Variants in FAM118A observed in about 807,000 individuals in gnomAD.
FAM118A encodes protein FAM118A.
FAM118A carries 25 observed loss-of-function variants against 38.2 expected under a neutral mutation model. The ratio of observed to expected loss-of-function variants is 0.65; its 90% confidence interval spans 0.48 to 0.91. The LOEUF is 0.91. FAM118A is among the 40% of genes least tolerant of loss of function. The pLI is 0.00. For synonymous variants in FAM118A, 178 were observed against 184.1 expected (o/e 0.97, Z 0.27); for missense variants, 425 against 463.3 (o/e 0.92, Z 0.76).
intron 5 of FAM118A, 124 bp downstream of exon 5, chr22:45,330,855 A>G: frequency 1.8e-6 from 2 of 1,128,728 alleles, no homozygotes; most frequent in African/African-American, 1.6e-5. Context: ...TCGGCCCTGC[A>G]CACAGTTGCT....
At chr22:45,330,267 T>A (rs2146685407) in intron 4 of FAM118A, among the ~76,000 whole-genome samples, 1 of 152,370 alleles carries the variant, frequency 6.6e-6, no homozygotes, top group Middle Eastern at 3.4e-3. Context: ...CTCGAACTCC[T>A]GAGCTTCAAG....
At chr22:45,339,258 T>C (rs528312179) in intron 8 of FAM118A, among the ~76,000 whole-genome samples, 21 of 152,216 alleles carry the variant, frequency 1.4e-4, no homozygotes, top group Non-Finnish European at 2.4e-4. Context: ...TAACTGGGTG[T>C]GGTGGCGGGC....
rs568316137 is a variant in FAM118A at position 45,341,232 on chromosome 22, C to G, written c.*827C>G. 6.6e-6 allele frequency: 1 copy of G among 152,210 alleles called. No homozygotes were observed. The highest frequency in any genetic ancestry group is 6.5e-5 in the Admixed American group (1 of 15,280). The allele number at this position is 152,210 out of a possible 1,614,324, so 9.4% of individuals were successfully genotyped here. On this transcript the variant is annotated 3_prime_UTR_variant, in exon 9 of 9. Coordinates refer to ENST00000441876, the MANE Select transcript of FAM118A (RefSeq NM_017911.4). ...CTAGCGAAAATGTTTTTAGGGAGAA[C>G]AGCTGGATCAAAAGGGCTTCTTTGG... is the stretch of plus-strand genomic sequence containing the variant.
At chr22:45,323,509 T>G in intron 3 of FAM118A, 82 bp downstream of exon 3, 1 of 1,534,296 alleles carries the variant, frequency 6.5e-7, no homozygotes, top group Non-Finnish European at 8.8e-7. Context: ...TGTTAAACTC[T>G]GCAGGCCTAA....
chr22:45,328,665 A>G, intron 4 of FAM118A: 2 of 574,286 alleles, frequency 3.5e-6, no homozygotes, highest in Non-Finnish European at 6.2e-6. Context: ...AAAGTGGCAC[A>G]CTGGCAACTT....
chr22:45,335,209 A>G, intron 6 of FAM118A, 141 bp from the exon 7 acceptor site: 1 of 800,486 alleles, frequency 1.2e-6, no homozygotes, highest in Middle Eastern at 3.1e-4. Context: ...CGAGCAGCGC[A>G]GGAGTCCGCA....
intron 1 of FAM118A, among the ~76,000 whole-genome samples, chr22:45,316,532 G>T (rs1297996583): frequency 6.6e-6 from 1 of 152,178 alleles, no homozygotes; most frequent in African/African-American, 2.4e-5. Context: ...TGCTGGGAAG[G>T]GCTTGCTTGA....
intron 4 of FAM118A, 107 bp from the exon 5 acceptor site, chr22:45,330,496 C>T (rs2085629888): frequency 7.9e-7 from 1 of 1,262,992 alleles, no homozygotes; most frequent in Non-Finnish European, 1.0e-6. Flanking sequence ...CTCGATGATT[C>T]TTTCCAAGAT....
At chr22:45,331,633 C>T (rs1334691160) in intron 5 of FAM118A, among the ~76,000 whole-genome samples, 1 of 152,198 alleles carries the variant, frequency 6.6e-6, no homozygotes, top group Non-Finnish European at 1.5e-5. Context: ...TACCCTCAAG[C>T]ACACAGCTAG....
chr22:45,333,786 A>C (rs2085898085), intron 6 of FAM118A, among the ~76,000 whole-genome samples: 2 of 152,130 alleles, frequency 1.3e-5, no homozygotes, highest in Admixed American at 1.3e-4. Context: ...GACTGCAGTA[A>C]GCTGTGATCA....
chr22:45,316,176 A>G lies in FAM118A; in HGVS notation c.-10+5993A>G, dbSNP rs189710386. On this transcript the variant is annotated intron_variant, in intron 1 of 8. Coordinates refer to ENST00000441876, the MANE Select transcript of FAM118A (RefSeq NM_017911.4). ...TGTCTTAGCCTCCAGAGTAGCTGGG[A>G]TTACAGGTGCGCACCACCATACCTG... 4.9e-3 allele frequency among the ~76,000 whole-genome samples: 751 copies of G among 152,216 alleles called. 9 individuals carry two copies. Among genetic ancestry groups the G allele is most frequent in the Middle Eastern group, 0.041 (12 of 294 alleles).
chr22:45,327,716 G>A lies in FAM118A; in HGVS notation c.301-126G>A, dbSNP rs576305871. 867 of 926,248 alleles carry A rather than the reference G, an allele frequency of 9.4e-4. 9 individuals are homozygous for A. In the South Asian group the frequency reaches 0.012, roughly 13 times the overall value. The allele number at this position is 926,248 out of a possible 1,614,324, so 57.4% of individuals were successfully genotyped here. A position where few individuals can be genotyped will look rare whatever the true frequency, so the allele number is the denominator to read the frequency against. ...CCCCTGCTCTGGGGTTGCGGCGCAC[G>A]CTGTGAAGCCAGATTTTCTTTGTTT... On this transcript the variant is annotated intron_variant, in intron 3 of 8. Transcript: ENST00000441876.
chr22:45,336,197 C>T (rs994220827), intron 7 of FAM118A, 131 bp from the exon 8 acceptor site: 1 of 619,974 alleles, frequency 1.6e-6, no homozygotes, highest in South Asian at 2.1e-5. Flanking sequence ...GAAGCCGTAG[C>T]GTGGTTGATG....
intron 6 of FAM118A, among the ~76,000 whole-genome samples, chr22:45,334,704 T>C (rs1293436067): frequency 2.0e-5 from 3 of 152,188 alleles, no homozygotes; most frequent in Non-Finnish European, 2.9e-5. Flanking sequence ...GCCCAGACAT[T>C]TTGAAGCTGG....
At position 45,322,446 on chromosome 22, in the gene FAM118A, C is replaced by T. The variant is rs766491221; in HGVS notation, c.47+20C>T. 55 of 1,598,252 alleles carry T rather than the reference C, an allele frequency of 3.4e-5. No individual in the cohort carries two copies. Among genetic ancestry groups the T allele is most frequent in the Non-Finnish European group, 4.6e-5 (54 of 1,172,706 alleles). On this transcript the variant is annotated intron_variant, in intron 2 of 8. Transcript: ENST00000441876. ...ATCCAGGTAATTAAAGGCAACTATA[C>T]CTTCAAGCAGCTTCATTGACTTCAT...
At chr22:45,309,453 T>A (rs1311918543), upstream of FAM118A, 1 of 152,320 alleles carries the variant, frequency 6.6e-6, no homozygotes, top group Non-Finnish European at 1.5e-5. Flanking sequence ...CTGGCCAATT[T>A]AAGCGGGCAG....
intron 2 of FAM118A, among the ~76,000 whole-genome samples, 165 bp from the exon 3 acceptor site, chr22:45,323,010 A>C (rs528785290): frequency 5.1e-4 from 77 of 151,472 alleles, no homozygotes; most frequent in African/African-American, 1.8e-3. Flanking sequence ...AGAAGGATAC[A>C]CAGGCCGTCT....
chr22:45,330,615 G>A lies in FAM118A; in HGVS notation c.535G>A (p.Ala179Thr). 6.3e-7 allele frequency: 1 copy of A among 1,577,008 alleles called. No homozygotes were observed. The highest frequency in any genetic ancestry group is 1.9e-5 in the Admixed American group (1 of 51,346). The change falls in exon 5 of 9, where the codon GCA (alanine) becomes ACA (threonine). Residue 179 changes from alanine (A) to threonine (T), a missense_variant. By Grantham distance (58) the Ala-to-Thr change is moderately conservative. Coordinates refer to ENST00000441876, the MANE Select transcript of FAM118A (RefSeq NM_017911.4). ...TGATGTTTGGTAGGTCCTTGAATGG[G>A]CAAGAGGGCACATGAAGTACGGCGT... Reference protein sequence around the residue: ...LKDKTKVLEWARGHMKYGVLH... With the variant: ...LKDKTKVLEWTRGHMKYGVLH...
At chr22:45,313,319 GTTTTT>G (rs11322212) in intron 1 of FAM118A, among the ~76,000 whole-genome samples, 1 of 112,680 alleles carries the variant, frequency 8.9e-6, no homozygotes, top group Non-Finnish European at 1.9e-5. Flanking sequence ...TGTCGTGAGG[GTTTTT>G]TTTTTTTTTT....
Sources: gnomAD v4.1 joint callset for allele counts (sites outside exome capture counted in the v4.1 genomes callset) on GRCh38, gnomAD v4.1.1 for gene constraint, MANE v1.5 for transcripts, NCBI Gene and HGNC (gene_info 2026-07-23, HGNC 2026-07-21) for gene names.